Variants in ATP6V1H observed in about 807,000 individuals in gnomAD.
The protein encoded by ATP6V1H is V-type proton ATPase subunit H.
ATP6V1H carries 39 observed loss-of-function variants against 71.7 expected under a neutral mutation model. The ratio of observed to expected loss-of-function variants is 0.54; its 90% CI spans 0.42 to 0.71. The LOEUF is 0.71. ATP6V1H is among the 30% of genes least tolerant of loss of function. The pLI, the probability that ATP6V1H is intolerant of heterozygous loss-of-function variation, is 0.00. For missense variants in ATP6V1H, 509 were observed against 594.9 expected, an observed-to-expected ratio of 0.86 and a Z score of 1.50; for synonymous variants, 192 against 199.3, an observed-to-expected ratio of 0.96 and a Z score of 0.31.
At chr8:53,722,017 A>G (rs1020026824) in intron 13 of ATP6V1H, among the ~76,000 whole-genome samples, 10 of 152,266 alleles carry the variant, frequency 6.6e-5, no homozygotes, top group Non-Finnish European at 1.2e-4. Context: ...TGCGTTAAAG[A>G]GTGTATTCTA....
chr8:53,819,625 CATAT>C lies in ATP6V1H; in HGVS notation c.307-2099_307-2096del, dbSNP rs1360963991. ...TACACACATTGTATATACATATATA[CATAT>C]GTATATACAAATGTATATATGTATA... On this transcript the variant is annotated intron_variant, in intron 4 of 13. Transcript: ENST00000359530. Among the ~76,000 whole-genome samples, 3 of 70,842 alleles carry C rather than the reference CATAT, an allele frequency of 4.2e-5. No individual in the cohort carries two copies. The South Asian group carries it at 1.4e-3, about 34-fold the overall frequency. 46.5% of individuals were successfully genotyped at this position (70,842 alleles called of 152,430 possible).
At chr8:53,753,578 C>T (rs1174336198) in intron 12 of ATP6V1H, among the ~76,000 whole-genome samples, 1 of 152,184 alleles carries the variant, frequency 6.6e-6, no homozygotes, top group African/African-American at 2.4e-5. Flanking sequence ...CTTCAACATG[C>T]TTTTCACTTT....
chr8:53,806,634 C>T (rs922283221), intron 7 of ATP6V1H: 4 of 165,088 alleles, frequency 2.4e-5, no homozygotes, highest in East Asian at 1.8e-4. Flanking sequence ...ATGCAACTTC[C>T]GAGAACATAA....
chr8:53,743,526 G>C, intron 13 of ATP6V1H, 51 bp downstream of exon 13: 1 of 1,312,844 alleles, frequency 7.6e-7, no homozygotes, highest in East Asian at 2.3e-5. Flanking sequence ...AGAATGGCAA[G>C]TGAGAGTTTG....
chr8:53,817,619 G>T (rs1158850948), intron 4 of ATP6V1H, 89 bp from the exon 5 acceptor site: 2 of 764,960 alleles, frequency 2.6e-6, no homozygotes, highest in Non-Finnish European at 4.2e-6. Flanking sequence ...CCTCCCATCA[G>T]TCTGTGTTCT....
chr8:53,806,882 C>T (rs1563475567), intron 7 of ATP6V1H: 2 of 454,176 alleles, frequency 4.4e-6, no homozygotes, highest in Non-Finnish European at 4.4e-6. Context: ...TCATAATGGT[C>T]ATATGGATAC....
At chr8:53,841,928 T>C (rs1024863316) in intron 1 of ATP6V1H, among the ~76,000 whole-genome samples, 1 of 152,216 alleles carries the variant, frequency 6.6e-6, no homozygotes, top group Non-Finnish European at 1.5e-5. Flanking sequence ...CTTTTGCTTT[T>C]CTAGAAAAAT....
intron 8 of ATP6V1H, among the ~76,000 whole-genome samples, chr8:53,800,454 G>C (rs957505018): frequency 6.6e-6 from 1 of 152,164 alleles, no homozygotes; most frequent in African/African-American, 2.4e-5. Context: ...CAAAGAGATA[G>C]ATTGCACTCT....
chr8:53,742,677 G>A (rs896097301), intron 13 of ATP6V1H, among the ~76,000 whole-genome samples: 3 of 152,178 alleles, frequency 2.0e-5, no homozygotes, highest in African/African-American at 4.8e-5. Flanking sequence ...TGGCAGGAAC[G>A]TAATATGTAA....
chr8:53,740,553 G>A (rs182411137), intron 13 of ATP6V1H, among the ~76,000 whole-genome samples: 1 of 152,084 alleles, frequency 6.6e-6, no homozygotes, highest in Non-Finnish European at 1.5e-5. Flanking sequence ...CATTTAAATC[G>A]AGCCAATGCT....
chr8:53,817,301 G>T, intron 5 of ATP6V1H, 116 bp downstream of exon 5: 2 of 584,538 alleles, frequency 3.4e-6, no homozygotes, highest in East Asian at 3.2e-5. Context: ...ACTTTGGGAG[G>T]CCAAGGCAGG....
intron 8 of ATP6V1H, among the ~76,000 whole-genome samples, chr8:53,800,462 T>C (rs1472261078): frequency 6.6e-6 from 1 of 152,230 alleles, no homozygotes; most frequent in Non-Finnish European, 1.5e-5. Flanking sequence ...TAGATTGCAC[T>C]CTATTCTCTA....
At chr8:53,785,947 T>C (rs1342695918) in intron 9 of ATP6V1H, among the ~76,000 whole-genome samples, 2 of 152,218 alleles carry the variant, frequency 1.3e-5, no homozygotes, top group South Asian at 2.1e-4. Context: ...AGTCCACCCT[T>C]ACTGCGGGAT....
At position 53,772,920 on chromosome 8, in the gene ATP6V1H, AAAC is replaced by A. The variant is rs1296675833; in HGVS notation, c.871-756_871-754del. On this transcript the variant is annotated intron_variant, in intron 9 of 13. Transcript: ENST00000359530. ...ATCAAATGCAAAAAAAAAAAAAAAA[AAAC>A]AAAACAGTAACAATTAACTCCAATT... 4.5e-3 allele frequency among the ~76,000 whole-genome samples: 664 copies of A among 148,268 alleles called. 11 individuals are homozygous for A. Among genetic ancestry groups the A allele is most frequent in the African/African-American group, 0.016 (613 of 39,340 alleles).
At chr8:53,739,062 C>T (rs1016953618) in intron 13 of ATP6V1H, among the ~76,000 whole-genome samples, 15 of 152,098 alleles carry the variant, frequency 9.9e-5, no homozygotes, top group African/African-American at 3.6e-4. Context: ...TACCCAGAAA[C>T]AGACCAGGTA....
chr8:53,728,826 C>G (rs1364324602), intron 13 of ATP6V1H, among the ~76,000 whole-genome samples: 1 of 152,216 alleles, frequency 6.6e-6, no homozygotes, highest in East Asian at 1.9e-4. Flanking sequence ...ACACTTCACT[C>G]ATCTTTCCCC....
intron 12 of ATP6V1H, among the ~76,000 whole-genome samples, chr8:53,747,983 C>T (rs1422450876): frequency 6.6e-6 from 1 of 151,808 alleles, no homozygotes; most frequent in South Asian, 2.1e-4. Context: ...CTGACCAACA[C>T]AGTAAAACCC....
At chr8:53,784,128 G>A (rs2130373709) in intron 9 of ATP6V1H, among the ~76,000 whole-genome samples, 1 of 152,282 alleles carries the variant, frequency 6.6e-6, no homozygotes, top group South Asian at 2.1e-4. Flanking sequence ...TCTGTCTAAT[G>A]TTGACAGTGG....
intron 7 of ATP6V1H, among the ~76,000 whole-genome samples, chr8:53,806,120 G>A (rs901339679): frequency 6.6e-6 from 1 of 152,138 alleles, no homozygotes; most frequent in Non-Finnish European, 1.5e-5. Flanking sequence ...GAGGAATAGA[G>A]AGGGAGAAGG....
Sources: allele counts gnomAD v4.1 joint callset (sites outside exome capture counted in the v4.1 genomes callset), GRCh38; gene constraint gnomAD v4.1.1; transcripts MANE v1.5; gene names NCBI Gene and HGNC (gene_info 2026-07-23, HGNC 2026-07-21).